MTSS1: variants seen among roughly 807,000 people sequenced by gnomAD.
MTSS1 encodes the protein MTSS I-BAR domain containing 1.
MTSS1 carries 18 observed loss-of-function variants against 79.0 expected under a neutral mutation model. The ratio of observed to expected loss-of-function variants is 0.23; its 90% CI spans 0.16 to 0.34. The LOEUF is 0.34. MTSS1 is among the 10% of genes least tolerant of loss of function. The pLI, the probability that MTSS1 is intolerant of heterozygous loss-of-function variation, is 1.00. For missense variants in MTSS1, 815 were observed against 986.2 expected (o/e 0.83, Z 2.33); for synonymous variants, 341 against 368.6 (o/e 0.93, Z 0.86).
At chr8:124,723,425 G>A (rs971009200) in intron 1 of MTSS1, among the ~76,000 whole-genome samples, 11 of 152,092 alleles carry the variant, frequency 7.2e-5, no homozygotes, top group East Asian at 1.9e-4. Context: ...TACAAACTGC[G>A]GAATTTCAGA....
intron 3 of MTSS1, among the ~76,000 whole-genome samples, chr8:124,650,510 A>G (rs1279615048): frequency 6.6e-6 from 1 of 152,180 alleles, no homozygotes; most frequent in Non-Finnish European, 1.5e-5. Flanking sequence ...GCTAAGATAG[A>G]GAAGCCGCGT....
chr8:124,727,976 GAGGGCACACACGCGGGGC>G lies in MTSS1; in HGVS notation c.-39_-22del. 1 of 1,606,136 alleles carries G rather than the reference GAGGGCACACACGCGGGGC, an allele frequency of 6.2e-7. No individual in the cohort carries two copies. Among genetic ancestry groups the G allele is most frequent in the Non-Finnish European group, 8.5e-7 (1 of 1,176,496 alleles). ...TCCATTTTCCCGGCTCCGGCAGGGC[GAGGGCACACACGCGGGGC>G]CGCTGGACTGCGCGCGGGGCCGGGG... On this transcript the variant is annotated 5_prime_UTR_variant, in exon 1 of 14. Coordinates refer to ENST00000518547, the MANE Select transcript of MTSS1 (RefSeq NM_014751.6). The surrounding 1 kb of genome is among the most constrained non-coding windows in gnomAD (Gnocchi z 4.7).
At chr8:124,574,024 G>A (rs574094655) in intron 6 of MTSS1, among the ~76,000 whole-genome samples, 2 of 152,042 alleles carry the variant, frequency 1.3e-5, no homozygotes, top group South Asian at 4.1e-4. Flanking sequence ...ACAGAGTCTC[G>A]CTCTGTTGCC....
At chr8:124,725,572 T>G (rs890672039) in intron 1 of MTSS1, among the ~76,000 whole-genome samples, 1 of 152,136 alleles carries the variant, frequency 6.6e-6, no homozygotes, top group Non-Finnish European at 1.5e-5. Flanking sequence ...AGCAAACAGA[T>G]AGGAGACCAA....
chr8:124,647,269 G>A lies in MTSS1; in HGVS notation c.208+52257C>T, dbSNP rs529417205. Among the ~76,000 whole-genome samples, 8 of 152,280 alleles carry A rather than the reference G, an allele frequency of 5.3e-5. No individual in the cohort carries two copies. In the South Asian group the frequency reaches 1.7e-3, roughly 32 times the overall value. On this transcript the variant is annotated intron_variant, in intron 3 of 13. Transcript: ENST00000518547. Reference sequence around the variant, plus strand: ...TCATGTTTGGATACATCTAGATTTAGAGTTTTTTTATGAAATACGATTCTT... The same window carrying A: ...TCATGTTTGGATACATCTAGATTTAAAGTTTTTTTATGAAATACGATTCTT...
chr8:124,568,645 T>C (rs1442135541), intron 6 of MTSS1, 109 bp from the exon 7 acceptor site: 2 of 1,533,754 alleles, frequency 1.3e-6, no homozygotes, highest in South Asian at 1.2e-5. Flanking sequence ...TTTTCCAGGA[T>C]GTAAAAAAAG....
intron 3 of MTSS1, among the ~76,000 whole-genome samples, chr8:124,651,146 G>A (rs915581161): frequency 4.6e-5 from 7 of 152,052 alleles, no homozygotes; most frequent in East Asian, 1.9e-4. Context: ...GTGTACTGTC[G>A]TTCTTTAAAC....
intron 3 of MTSS1, among the ~76,000 whole-genome samples, chr8:124,671,030 A>C (rs1179368424): frequency 9.2e-6 from 1 of 108,808 alleles, no homozygotes; most frequent in Non-Finnish European, 1.8e-5. Flanking sequence ...ATCTTCTAGA[A>C]CATTTTTCTT....
At chr8:124,571,939 G>T (rs1442166718) in intron 6 of MTSS1, among the ~76,000 whole-genome samples, 1 of 152,060 alleles carries the variant, frequency 6.6e-6, no homozygotes, top group Non-Finnish European at 1.5e-5. Context: ...ACTCCAGCCT[G>T]GGCGACAGAG....
At chr8:124,614,866 C>T (rs1483174842) in intron 3 of MTSS1, among the ~76,000 whole-genome samples, 1 of 152,188 alleles carries the variant, frequency 6.6e-6, no homozygotes, top group African/African-American at 2.4e-5. Context: ...TGCACAGACT[C>T]TAGGATTAGT....
At chr8:124,645,578 G>A (rs1818862188) in intron 3 of MTSS1, among the ~76,000 whole-genome samples, 1 of 151,822 alleles carries the variant, frequency 6.6e-6, no homozygotes, top group African/African-American at 2.4e-5. Flanking sequence ...TTTCCGCTGG[G>A]GTATCACAAG....
chr8:124,710,707 G>A lies in MTSS1; in HGVS notation c.73-6516C>T, dbSNP rs115206983. Among the ~76,000 whole-genome samples, 685 of 152,312 alleles carry A rather than the reference G, an allele frequency of 4.5e-3. 2 individuals carry two copies. Among genetic ancestry groups the A allele is most frequent in the African/African-American group, 0.016 (665 of 41,568 alleles). ...ATAACTGTGTGTAGCTCATCAGCAC[G>A]GCTGGTGACCGGTGCTCCATAAATA... On this transcript the variant is annotated intron_variant, in intron 1 of 13. Coordinates refer to ENST00000518547, the MANE Select transcript of MTSS1 (RefSeq NM_014751.6).
At chr8:124,576,790 C>T (rs1481181001) in intron 6 of MTSS1, among the ~76,000 whole-genome samples, 7 of 152,208 alleles carry the variant, frequency 4.6e-5, no homozygotes, top group African/African-American at 1.2e-4. Context: ...TTGCCCATCC[C>T]GTTAGTGTTC....
At chr8:124,586,620 C>A (rs151021099) in intron 5 of MTSS1, among the ~76,000 whole-genome samples, 62 of 152,284 alleles carry the variant, frequency 4.1e-4, no homozygotes, top group Non-Finnish European at 7.5e-4. Context: ...GTGGCTGCTA[C>A]TCGGGTCGCG....
chr8:124,650,792 T>C (rs1197742250), intron 3 of MTSS1, among the ~76,000 whole-genome samples: 1 of 152,074 alleles, frequency 6.6e-6, no homozygotes, highest in South Asian at 2.1e-4. Flanking sequence ...TATCCACTGC[T>C]CCAGAGCCAT....
chr8:124,693,069 C>G (rs148477012), intron 3 of MTSS1, among the ~76,000 whole-genome samples: 1 of 152,098 alleles, frequency 6.6e-6, no homozygotes, highest in Non-Finnish European at 1.5e-5. Context: ...TGATACAGCT[C>G]TTAAACTCCT....
intron 3 of MTSS1, among the ~76,000 whole-genome samples, chr8:124,601,350 C>T (rs1463166964): frequency 6.6e-6 from 1 of 152,214 alleles, no homozygotes; most frequent in Non-Finnish European, 1.5e-5. Context: ...GCATGAGCCA[C>T]TGTGCCCAGC....
chr8:124,689,223 T>G (rs1827526331), intron 3 of MTSS1, among the ~76,000 whole-genome samples: 1 of 152,092 alleles, frequency 6.6e-6, no homozygotes, highest in Non-Finnish European at 1.5e-5. Flanking sequence ...GCTTTCACAT[T>G]TTGTGCGTGT....
At chr8:124,611,107 C>CA (rs746115770) in intron 3 of MTSS1, among the ~76,000 whole-genome samples, 1 of 59,254 alleles carries the variant, frequency 1.7e-5, no homozygotes, top group African/African-American at 1.3e-4. Flanking sequence ...ACCAGACAGA[C>CA]CCCCCCCCCC....
Sources: gnomAD v4.1 joint callset for allele counts (sites outside exome capture counted in the v4.1 genomes callset) on GRCh38, gnomAD v4.1.1 for gene constraint, Gnocchi (gnomAD v3.1) non-coding constraint, MANE v1.5 for transcripts, NCBI Gene and HGNC (gene_info 2026-07-23, HGNC 2026-07-21) for gene names.